PARD3B: variants seen among roughly 807,000 people sequenced by gnomAD.
PARD3B encodes the protein par-3 family cell polarity regulator beta.
PARD3B carries 103 observed loss-of-function variants against 130.2 expected under a neutral mutation model. The ratio of observed to expected loss-of-function variants is 0.79; its 90% CI spans 0.67 to 0.93. The LOEUF is 0.93. Ranked by LOEUF, PARD3B falls within the 40% of genes least tolerant of loss-of-function variation. The pLI, the probability that PARD3B is intolerant of heterozygous loss-of-function variation, is 0.00. For missense variants in PARD3B, 1,609 were observed against 1,499.2 expected, an observed-to-expected ratio of 1.07 and a Z score of -1.21; for synonymous variants, 583 against 553.2, an observed-to-expected ratio of 1.05 and a Z score of -0.76.
chr2:205,071,339 C>G (rs1415098277), intron 4 of PARD3B, among the ~76,000 whole-genome samples: 4 of 152,154 alleles, frequency 2.6e-5, no homozygotes, highest in Admixed American at 2.6e-4. Context: ...CGCCAAAGAT[C>G]TGTAGAGAAT....
At chr2:205,174,228 C>T (rs2035339430) in intron 12 of PARD3B, among the ~76,000 whole-genome samples, 2 of 152,186 alleles carry the variant, frequency 1.3e-5, no homozygotes, top group African/African-American at 4.8e-5. Context: ...AAGTATGAAA[C>T]TCTCATTTGT....
chr2:205,490,662 T>C (rs545187905), intron 20 of PARD3B, among the ~76,000 whole-genome samples: 3 of 152,308 alleles, frequency 2.0e-5, no homozygotes, highest in Admixed American at 1.3e-4. Context: ...GTATTTCTAG[T>C]TCTAGATCCC....
At chr2:205,412,318 T>TGGCACAGAAGC (rs1402397280) in intron 19 of PARD3B, among the ~76,000 whole-genome samples, 1 of 152,082 alleles carries the variant, frequency 6.6e-6, no homozygotes, top group Non-Finnish European at 1.5e-5. Flanking sequence ...TGCACAGAAG[T>TGGCACAGAAGC]GGCACAGAAG....
chr2:205,223,524 T>C lies in PARD3B; in HGVS notation c.2141-22254T>C, dbSNP rs1189100339. On this transcript the variant is annotated intron_variant, in intron 15 of 22. Transcript: ENST00000406610. ...GTGACTGCTGCTCATGAAGACAGCA[T>C]GTATGTTGTCAGGACAGGAGAATAA... is the stretch of plus-strand genomic sequence containing the variant. 3.9e-5 allele frequency among the ~76,000 whole-genome samples: 6 copies of C among 152,164 alleles called. No individual in the cohort carries two copies. The South Asian group carries it at 6.2e-4, about 16-fold the overall frequency.
At chr2:204,654,796 T>A (rs1477713814) in intron 1 of PARD3B, among the ~76,000 whole-genome samples, 1 of 152,204 alleles carries the variant, frequency 6.6e-6, no homozygotes, top group Non-Finnish European at 1.5e-5. Flanking sequence ...AAATTCTTTA[T>A]TTTTTGTTTA....
At chr2:204,798,186 C>G (rs1487981012) in intron 2 of PARD3B, among the ~76,000 whole-genome samples, 2 of 152,178 alleles carry the variant, frequency 1.3e-5, no homozygotes, top group South Asian at 4.1e-4. Flanking sequence ...CACCACTACT[C>G]CCTCATCCCC....
intron 16 of PARD3B, among the ~76,000 whole-genome samples, chr2:205,272,147 G>T (rs563991502): frequency 6.7e-6 from 1 of 148,286 alleles, no homozygotes; most frequent in Non-Finnish European, 1.5e-5. Context: ...AACAGAGTGA[G>T]ACTCTGTCTC....
At chr2:205,223,753 T>C (rs930878061) in intron 15 of PARD3B, among the ~76,000 whole-genome samples, 7 of 152,182 alleles carry the variant, frequency 4.6e-5, no homozygotes, top group Non-Finnish European at 1.5e-5. Context: ...ACTGATCACA[T>C]TCTTAGCTTA....
At chr2:205,403,934 C>T (rs1045800202) in intron 19 of PARD3B, among the ~76,000 whole-genome samples, 6 of 71,972 alleles carry the variant, frequency 8.3e-5, no homozygotes, top group Non-Finnish European at 2.4e-4. Context: ...AAATTAGAAA[C>T]CCTAGCCAGT....
rs75238421 is a variant in PARD3B at position 204,826,711 on chromosome 2, T to G, written c.223-138441T>G. Among the ~76,000 whole-genome samples the G allele has an allele frequency of 3.3e-4, 50 of 152,310 alleles. 1 individual carries two copies. The East Asian group carries it at 8.5e-3, about 26-fold the overall frequency. On this transcript the variant is annotated intron_variant, in intron 2 of 22. Coordinates refer to ENST00000406610, the MANE Select transcript of PARD3B (RefSeq NM_001302769.2). ...AGTAGTATCACATCTTTCATTTTGT[T>G]TTTGTTTACTTGAAAGTTGCATTCT... is the stretch of plus-strand genomic sequence containing the variant.
chr2:205,520,048 C>T (rs1055333741), intron 21 of PARD3B, among the ~76,000 whole-genome samples: 39 of 152,258 alleles, frequency 2.6e-4, no homozygotes, highest in Middle Eastern at 6.8e-3. Flanking sequence ...CTTGGCACTC[C>T]TGGACTGCCC....
Position 205,421,491 on chromosome 2 carries a change from A to G in PARD3B, c.2742-18879A>G, listed in dbSNP as rs2046972449. ...AATTTGTTTTTTCTCTTCATATGTT[A>G]TAGGGTCTGAGGTTTCATCTTTCAT... On this transcript the variant is annotated intron_variant, in intron 19 of 22. Transcript: ENST00000406610. The surrounding 1 kb of genome is among the most constrained non-coding windows in gnomAD (Gnocchi z 5.1). Among the ~76,000 whole-genome samples the G allele has an allele frequency of 6.6e-6, 1 of 152,152 alleles. No homozygotes were observed. The highest frequency in any genetic ancestry group is 1.9e-4 in the East Asian group (1 of 5,184).
chr2:205,117,237 T>C (rs2029918623), intron 6 of PARD3B, among the ~76,000 whole-genome samples: 1 of 152,194 alleles, frequency 6.6e-6, no homozygotes, highest in African/African-American at 2.4e-5. Context: ...TTTAATACTG[T>C]GTTTCAAGAT....
rs2052618805 is a variant in PARD3B, at chr2:205,550,980, C to CATATATATATAT, written c.3181-2343_3181-2342insTATATATATATA. 1.0e-5 allele frequency among the ~76,000 whole-genome samples: 1 copy of CATATATATATAT among 97,206 alleles called. No homozygotes were observed. Among genetic ancestry groups the CATATATATATAT allele is most frequent in the African/African-American group, 4.1e-5 (1 of 24,188 alleles). 63.8% of individuals were successfully genotyped at this position (97,206 alleles called of 152,430 possible). Reference sequence around the variant, plus strand: ...GTATATATATATATATATATATACACACACACACACACACACACACACATA... The same window carrying CATATATATATAT: ...GTATATATATATATATATATATACACATATATATATATACACACACACACACACACACACATA... On this transcript the variant is annotated intron_variant, in intron 21 of 22. Coordinates refer to ENST00000406610, the MANE Select transcript of PARD3B (RefSeq NM_001302769.2). The surrounding 1 kb of genome is among the most constrained non-coding windows in gnomAD (Gnocchi z 4.5).
intron 1 of PARD3B, among the ~76,000 whole-genome samples, chr2:204,585,192 G>T (rs2032763181): frequency 6.6e-6 from 1 of 152,212 alleles, no homozygotes; most frequent in African/African-American, 2.4e-5. Flanking sequence ...GCCCAGACCA[G>T]TTGGGAAGTG....
intron 22 of PARD3B, among the ~76,000 whole-genome samples, chr2:205,607,831 T>TACACCCATACACACACAC (rs1553560828): frequency 1.2e-3 from 135 of 116,220 alleles, no homozygotes; most frequent in African/African-American, 4.8e-3. Flanking sequence ...CCAACACCCA[T>TACACCCATACACACACAC]ACACACACAC....
chr2:205,155,060 TCA>T (rs774104996), intron 10 of PARD3B, among the ~76,000 whole-genome samples: 5 of 71,038 alleles, frequency 7.0e-5, no homozygotes, highest in African/African-American at 2.2e-4. Flanking sequence ...AAATTTCATT[TCA>T]AAAAAAAAAA....
At chr2:205,247,695 A>G (rs1211626602) in intron 16 of PARD3B, among the ~76,000 whole-genome samples, 1 of 152,196 alleles carries the variant, frequency 6.6e-6, no homozygotes, top group African/African-American at 2.4e-5. Context: ...ATCTGTAGAA[A>G]TGCTGAAAAA....
intron 20 of PARD3B, among the ~76,000 whole-genome samples, chr2:205,497,378 C>A (rs1447408236): frequency 1.3e-5 from 2 of 150,994 alleles, no homozygotes; most frequent in African/African-American, 4.9e-5. Context: ...AATTAACTTA[C>A]CATCTAGTTT....
Sources: allele counts gnomAD v4.1 joint callset (sites outside exome capture counted in the v4.1 genomes callset), GRCh38; gene constraint gnomAD v4.1.1; non-coding constraint Gnocchi (gnomAD v3.1); transcripts MANE v1.5; gene names NCBI Gene and HGNC (gene_info 2026-07-23, HGNC 2026-07-21).